COL4A4: variants seen among roughly 807,000 people sequenced by gnomAD.
COL4A4 encodes the protein collagen alpha-4(IV) chain.
A neutral mutation model predicts 192.9 loss-of-function variants in COL4A4; 105 were observed. The ratio of observed to expected loss-of-function variants is 0.54; its 90% CI spans 0.46 to 0.64. The LOEUF (loss-of-function observed/expected upper bound fraction) is 0.64. Among genes scored for constraint, COL4A4 ranks in the 30% least tolerant of loss-of-function variants. COL4A4 has a pLI of 0.00. For missense variants in COL4A4, 1,967 were observed against 2,169.3 expected, an observed-to-expected ratio of 0.91 and a Z score of 1.85; for synonymous variants, 762 against 769.9, an observed-to-expected ratio of 0.99 and a Z score of 0.17.
chr2:227,114,638 T>G lies in COL4A4; in HGVS notation c.548A>C (p.Lys183Thr). Reference sequence around the variant, plus strand: ...GATCATAATACTTACCTGAATACCTTTAACGGCACCTAAAATGAACACTGA... The same window carrying G: ...GATCATAATACTTACCTGAATACCTGTAACGGCACCTAAAATGAACACTGA... ...GNSVFILGAV[K>T]GIQGDRGDPG... The change falls in exon 8 of 48, where the codon AAA (lysine) becomes ACA (threonine). Residue 183 changes from lysine to threonine, a missense_variant. Transcript: ENST00000396625. 1 of 1,614,060 alleles carries G rather than the reference T, an allele frequency of 6.2e-7. No individual in the cohort carries two copies. Among genetic ancestry groups the G allele is most frequent in the Non-Finnish European group, 8.5e-7 (1 of 1,179,906 alleles).
Position 227,104,066 on chromosome 2 carries a change from G to C in COL4A4, c.736-14C>G, listed in dbSNP as rs1480873102. 1.3e-6 allele frequency: 2 copies of C among 1,588,800 alleles called. No homozygotes were observed. The highest frequency in any genetic ancestry group is 2.7e-5 in the African/African-American group (2 of 74,210). On this transcript the variant is annotated splice_polypyrimidine_tract_variant and intron_variant, in intron 12 of 47. Coordinates refer to ENST00000396625, the MANE Select transcript of COL4A4 (RefSeq NM_000092.5). ...ACCAACCTCACCCTTAAAAAAAAAAGCAAGATAATGAAAATTTCATATTAA... is the reference window on the plus strand; with the variant it reads ...ACCAACCTCACCCTTAAAAAAAAAACCAAGATAATGAAAATTTCATATTAA...
chr2:227,060,942 T>C (rs919957052), intron 26 of COL4A4, among the ~76,000 whole-genome samples: 6 of 152,128 alleles, frequency 3.9e-5, no homozygotes, highest in Non-Finnish European at 8.8e-5. Flanking sequence ...TTAGCCAGGA[T>C]GGTCTCATCT....
In COL4A4 at chr2:227,126,136, G is replaced by A. The variant is rs115881339; in HGVS notation, c.193-4988C>T. On this transcript the variant is annotated intron_variant, in intron 4 of 47. Coordinates refer to ENST00000396625, the MANE Select transcript of COL4A4 (RefSeq NM_000092.5). ...AATTTTAAAATACAGTATAACAACT[G>A]TATACTGTATATAGCATTTACATAG... Among the ~76,000 whole-genome samples the A allele has an allele frequency of 7.4e-3, 1,128 of 152,250 alleles. 16 individuals are homozygous for A. Among genetic ancestry groups the A allele is most frequent in the African/African-American group, 0.026 (1,083 of 41,534 alleles).
At position 227,078,042 on chromosome 2, in the gene COL4A4, T is replaced by A. The variant is rs1300884163; in HGVS notation, c.1839A>T (p.Gly613=). The part of the protein sequence containing the change: ...DHEDATPGGK[G]FPGPLGPPGK... ...CTGGGGGGCCCAGAGGTCCAGGAAA[T>A]CCTTTACCACCTGGGGTCGCATCTT... The change falls in exon 25 of 48, where the codon GGA becomes GGT. Residue 613 remains glycine (G), a synonymous_variant. Transcript: ENST00000396625. The A allele has an allele frequency of 6.2e-7, 1 of 1,613,828 alleles. No individual in the cohort carries two copies. The highest frequency in any genetic ancestry group is 1.7e-5 in the Admixed American group (1 of 59,978).
intron 22 of COL4A4, among the ~76,000 whole-genome samples, chr2:227,085,654 G>A (rs1245983896): frequency 6.6e-6 from 1 of 152,126 alleles, no homozygotes; most frequent in Non-Finnish European, 1.5e-5. Context: ...AGGAAAGCAG[G>A]AGGTCCCAGA....
Position 227,008,225 on chromosome 2 carries a change from G to A in COL4A4, c.4602C>T (p.Ala1534=), listed in dbSNP as rs1962629899. ...YCNIHQVCHY[A]QRNDRSYWLA... ...GCCAGTAGGATCTGTCGTTTCTCTG[G>A]GCATAGTGGCACACCTGGTGGATGT... Residue 1534 remains alanine (A), a synonymous_variant, in exon 47 of 48, where the codon GCC becomes GCT. Transcript: ENST00000396625. 3 of 1,614,088 alleles carry A rather than the reference G, an allele frequency of 1.9e-6. No individual in the cohort carries two copies. Among genetic ancestry groups the A allele is most frequent in the Admixed American group, 3.3e-5 (2 of 60,000 alleles).
chr2:227,065,159 C>G (rs1297266540), intron 25 of COL4A4, among the ~76,000 whole-genome samples: 1 of 152,218 alleles, frequency 6.6e-6, no homozygotes, highest in Non-Finnish European at 1.5e-5. Context: ...CACTCCCACC[C>G]GAATACTGCG....
rs1448269865 is a variant in COL4A4, at chr2:227,094,387, A to AT, written c.1205-99dup. On this transcript the variant is annotated intron_variant, in intron 19 of 47. Transcript: ENST00000396625. ...GGTACACACTTGCTTAGGTTATCGA[A>AT]TTTTTTAAAGGGAAAGAGACGGAGC... The AT allele has an allele frequency of 1.1e-5, 14 of 1,293,414 alleles. No homozygotes were observed. The East Asian group carries it at 1.5e-4, about 14-fold the overall frequency. 80.1% of individuals were successfully genotyped at this position (1,293,414 alleles called of 1,614,324 possible).
the COL4A4 span, among the ~76,000 whole-genome samples, chr2:226,968,346 C>T: frequency 1.2e-4 from 19 of 152,268 alleles, no homozygotes; most frequent in Admixed American, 1.0e-3. Context: ...TAGGGCAGGC[C>T]GTCAGGAAGG....
rs1287740535 is a variant in COL4A4 at position 227,043,198 on chromosome 2, G to A, written c.3290-14C>T. 6.9e-6 allele frequency: 11 copies of A among 1,604,852 alleles called. No individual in the cohort carries two copies. The highest frequency in any genetic ancestry group is 9.4e-6 in the Non-Finnish European group (11 of 1,171,580). ...CTCCAAAATGCCCTAAAGAAGGAAA[G>A]ATCAAACATCAGAGTTGCCGTTTGA... On this transcript the variant is annotated splice_polypyrimidine_tract_variant and intron_variant, in intron 35 of 47. Coordinates refer to ENST00000396625, the MANE Select transcript of COL4A4 (RefSeq NM_000092.5).
intron 1 of COL4A4, among the ~76,000 whole-genome samples, chr2:227,150,672 G>C (rs758793070): frequency 3.9e-5 from 6 of 152,170 alleles, no homozygotes; most frequent in Non-Finnish European, 5.9e-5. Flanking sequence ...CATAGCAGAA[G>C]GCACCTCTTC....
At chr2:227,093,570 G>A (rs1324291444) in intron 20 of COL4A4, among the ~76,000 whole-genome samples, 3 of 151,692 alleles carry the variant, frequency 2.0e-5, no homozygotes, top group South Asian at 2.1e-4. Context: ...GATTCAACAC[G>A]TTAGGACCAT....
chr2:227,145,962 T>C (rs889196231), intron 2 of COL4A4, among the ~76,000 whole-genome samples: 2 of 152,224 alleles, frequency 1.3e-5, no homozygotes, highest in African/African-American at 4.8e-5. Flanking sequence ...TTAAATCAGG[T>C]TGAATGTGTA....
rs556605463 is a variant in COL4A4 at position 227,052,191 on chromosome 2, C to CA, written c.2968+113dup. On this transcript the variant is annotated intron_variant, in intron 32 of 47. Coordinates refer to ENST00000396625, the MANE Select transcript of COL4A4 (RefSeq NM_000092.5). ...GGGCGACAAGAGCAAAACTCCATCT[C>CA]AAAAAAAAAAAAGTCTTTTCTAATC... 30,584 of 527,476 alleles carry CA rather than the reference C, an allele frequency of 0.058. 19 individuals are homozygous for CA. Among genetic ancestry groups the CA allele is most frequent in the East Asian group, 0.11 (2,848 of 26,256 alleles). The allele number at this position is 527,476 out of a possible 1,614,324, so 32.7% of individuals were successfully genotyped here.
At chr2:227,036,304 G>A (rs1036409421) in intron 37 of COL4A4, among the ~76,000 whole-genome samples, 1 of 152,186 alleles carries the variant, frequency 6.6e-6, no homozygotes, top group East Asian at 1.9e-4. Flanking sequence ...CTCTCAGGCT[G>A]TATTTTGTTC....
intron 25 of COL4A4, among the ~76,000 whole-genome samples, chr2:227,076,635 A>G (rs2059038093): frequency 1.3e-5 from 2 of 152,246 alleles, no homozygotes; most frequent in Non-Finnish European, 2.9e-5. Flanking sequence ...CCAAATTGAC[A>G]AATGGGATCT....
At chr2:227,053,543 C>CTTTTTTTTTTTTTTT (rs56724633) in intron 31 of COL4A4, among the ~76,000 whole-genome samples, 6 of 102,254 alleles carry the variant, frequency 5.9e-5, no homozygotes, top group Non-Finnish European at 9.4e-5. Flanking sequence ...TTTTCTTTTT[C>CTTTTTTTTTTTTTTT]TTTTTTTTTT....
intron 35 of COL4A4, among the ~76,000 whole-genome samples, chr2:227,045,481 ATGT>A (rs386655845): frequency 6.6e-6 from 1 of 151,246 alleles, no homozygotes; most frequent in Admixed American, 6.6e-5. Flanking sequence ...ATATTATACT[ATGT>A]CTAGGCCGGG....
the COL4A4 span, among the ~76,000 whole-genome samples, chr2:226,984,298 G>A: frequency 5.3e-5 from 8 of 152,202 alleles, no homozygotes; most frequent in South Asian, 2.1e-4. Flanking sequence ...TATTTCTCAC[G>A]GTTCTGGAGG....
Sources: gnomAD v4.1 joint callset for allele counts (sites outside exome capture counted in the v4.1 genomes callset) on GRCh38, gnomAD v4.1.1 for gene constraint, MANE v1.5 for transcripts, NCBI Gene and HGNC (gene_info 2026-07-23, HGNC 2026-07-21) for gene names.